The following ZBTB20 variants were observed in gnomAD, a reference collection of about 807,000 sequenced individuals.
ZBTB20 encodes zinc finger and BTB domain-containing protein 20.
A neutral mutation model predicts 56.9 loss-of-function variants in ZBTB20; 9 were observed. The ratio of observed to expected loss-of-function variants is 0.16; its 90% confidence interval spans 0.10 to 0.28. The LOEUF (loss-of-function observed/expected upper bound fraction) is 0.28, where lower values mean the gene tolerates loss of function less well. Among genes scored for constraint, ZBTB20 ranks in the 10% least tolerant of loss-of-function variants. ZBTB20 has a pLI of 1.00. For synonymous variants in ZBTB20, 417 were observed against 420.7 expected (o/e 0.99, Z 0.11); for missense variants, 655 against 1,003.0 (o/e 0.65, Z 4.69).
intron 6 of ZBTB20, among the ~76,000 whole-genome samples, chr3:114,550,785 C>G (rs1034296134): frequency 1.3e-5 from 2 of 152,222 alleles, no homozygotes; most frequent in African/African-American, 4.8e-5. Context: ...GGGTCTCACT[C>G]TGTCACCCAC....
At chr3:114,350,145 G>A in intron 11 of ZBTB20, 129 bp downstream of exon 11, 2 of 1,340,254 alleles carry the variant, frequency 1.5e-6, no homozygotes, top group Non-Finnish European at 2.0e-6. Flanking sequence ...TCTAGAAGAG[G>A]CTTGTGGTGG....
intron 2 of ZBTB20, among the ~76,000 whole-genome samples, chr3:115,053,163 C>T (rs1479294388): frequency 6.6e-6 from 1 of 152,160 alleles, no homozygotes; most frequent in African/African-American, 2.4e-5. Context: ...TCCTGTGAAT[C>T]CAAATGAGAA....
At chr3:114,758,603 A>G (rs904701354) in intron 5 of ZBTB20, among the ~76,000 whole-genome samples, 3 of 152,190 alleles carry the variant, frequency 2.0e-5, no homozygotes, top group Non-Finnish European at 2.9e-5. Context: ...AATTTTACAC[A>G]TATATCCACA....
intron 6 of ZBTB20, among the ~76,000 whole-genome samples, chr3:114,681,456 C>T (rs1177806196): frequency 6.6e-6 from 1 of 152,170 alleles, no homozygotes; most frequent in Non-Finnish European, 1.5e-5. Context: ...CCACCACGCC[C>T]AGCCTGTAAA....
intron 7 of ZBTB20, among the ~76,000 whole-genome samples, chr3:114,417,782 G>A (rs1230876098): frequency 1.3e-5 from 2 of 152,026 alleles, no homozygotes; most frequent in Non-Finnish European, 2.9e-5. Context: ...GTGTGTAATT[G>A]TGAGTTCTAG....
chr3:114,654,838 A>G (rs1372754314), intron 6 of ZBTB20, among the ~76,000 whole-genome samples: 1 of 152,194 alleles, frequency 6.6e-6, no homozygotes, highest in Admixed American at 6.5e-5. Flanking sequence ...GTTTGTGTCT[A>G]CATGTTTATG....
At position 114,431,036 on chromosome 3, in the gene ZBTB20, C is replaced by T. The variant is rs149301178; in HGVS notation, c.-254-41931G>A. Among the ~76,000 whole-genome samples, 314 of 151,764 alleles carry T rather than the reference C, an allele frequency of 2.1e-3. 2 individuals are homozygous for T. The highest frequency in any genetic ancestry group is 7.2e-3 in the African/African-American group (299 of 41,338). On this transcript the variant is annotated intron_variant, in intron 7 of 11. Transcript: ENST00000675478. ...TGCTAAGCTGGGGCATTTGGAGAGT[C>T]CCCTCCTCCCTGTGCCCCTCCATCC...
chr3:114,559,163 C>G (rs186727475), intron 6 of ZBTB20, among the ~76,000 whole-genome samples: 5 of 152,136 alleles, frequency 3.3e-5, no homozygotes, highest in Admixed American at 3.3e-4. Context: ...AGGTGCTCAA[C>G]AAATACTTGC....
intron 5 of ZBTB20, among the ~76,000 whole-genome samples, chr3:114,729,956 A>ATTTTTTTTTT (rs1229757252): frequency 1.7e-5 from 2 of 119,450 alleles, no homozygotes; most frequent in African/African-American, 3.3e-5. Flanking sequence ...CATCCGGCTA[A>ATTTTTTTTTT]TTTTTTTTTT....
At chr3:114,738,880 A>G (rs2066376393) in intron 5 of ZBTB20, among the ~76,000 whole-genome samples, 2 of 152,228 alleles carry the variant, frequency 1.3e-5, no homozygotes, top group Admixed American at 1.3e-4. Context: ...ACTTTATAGA[A>G]CATTAAATAA....
intron 6 of ZBTB20, among the ~76,000 whole-genome samples, chr3:114,611,446 G>T (rs1196048265): frequency 6.6e-6 from 1 of 152,168 alleles, no homozygotes; most frequent in African/African-American, 2.4e-5. Context: ...AATTTATGTT[G>T]TTCAGGAACA....
chr3:114,417,912 G>A (rs987286515), intron 7 of ZBTB20, among the ~76,000 whole-genome samples: 3 of 152,006 alleles, frequency 2.0e-5, no homozygotes, highest in African/African-American at 4.8e-5. Flanking sequence ...AACTTGGATC[G>A]CTTTCCCATT....
intron 3 of ZBTB20, among the ~76,000 whole-genome samples, chr3:114,941,800 C>G (rs1045385030): frequency 6.9e-6 from 1 of 145,968 alleles, no homozygotes; most frequent in East Asian, 1.9e-4. Context: ...AAAACTGTTT[C>G]GTTTTATCCA....
intron 6 of ZBTB20, among the ~76,000 whole-genome samples, chr3:114,537,590 G>T (rs1167375688): frequency 6.6e-6 from 1 of 152,048 alleles, no homozygotes; most frequent in African/African-American, 2.4e-5. Context: ...ATTCATCAAG[G>T]ATCTAGAACC....
chr3:114,661,177 A>G (rs1304377383), intron 6 of ZBTB20, among the ~76,000 whole-genome samples: 3 of 152,012 alleles, frequency 2.0e-5, no homozygotes, highest in African/African-American at 7.3e-5. Context: ...CCTTTGATCT[A>G]CCTCAACATT....
intron 5 of ZBTB20, among the ~76,000 whole-genome samples, chr3:114,720,427 T>C (rs539635128): frequency 3.9e-5 from 6 of 152,078 alleles, no homozygotes; most frequent in East Asian, 1.9e-4. Context: ...CATGCAAGTA[T>C]TACTCTACCA....
intron 6 of ZBTB20, among the ~76,000 whole-genome samples, chr3:114,692,349 C>G (rs1251027102): frequency 6.6e-6 from 1 of 151,956 alleles, no homozygotes; most frequent in Non-Finnish European, 1.5e-5. Context: ...TGGATATGCT[C>G]AGAGAGACAG....
At chr3:115,081,587 T>C (rs1216861001) in intron 1 of ZBTB20, among the ~76,000 whole-genome samples, 3 of 152,124 alleles carry the variant, frequency 2.0e-5, no homozygotes, top group Non-Finnish European at 2.9e-5. Context: ...ATAATAATAA[T>C]GCAAATGTAT....
At chr3:114,428,464 C>T (rs1189061389) in intron 7 of ZBTB20, among the ~76,000 whole-genome samples, 2 of 152,174 alleles carry the variant, frequency 1.3e-5, no homozygotes, top group Non-Finnish European at 2.9e-5. Context: ...CCTGAAGGGG[C>T]CCAGAAGTGG....
Sources: allele counts gnomAD v4.1 joint callset (sites outside exome capture counted in the v4.1 genomes callset), GRCh38; gene constraint gnomAD v4.1.1; transcripts MANE v1.5; gene names NCBI Gene and HGNC (gene_info 2026-07-23, HGNC 2026-07-21).